Variants in DCAF6 observed in about 807,000 individuals in gnomAD.
The protein encoded by DCAF6 is DDB1 and CUL4 associated factor 6.
Under a neutral mutation model 125.1 loss-of-function variants are expected in DCAF6, and 54 were observed. The observed-to-expected ratio is 0.43, with a 90% CI of 0.35 to 0.54. The LOEUF (loss-of-function observed/expected upper bound fraction) is 0.54, where lower values mean the gene tolerates loss of function less well. Ranked by LOEUF, DCAF6 falls within the 20% of genes least tolerant of loss-of-function variation. DCAF6 has a pLI of 0.01. For missense variants in DCAF6, 934 were observed against 1,161.7 expected, an observed-to-expected ratio of 0.80 and a Z score of 2.85; for synonymous variants, 371 against 390.4, an observed-to-expected ratio of 0.95 and a Z score of 0.58.
At chr1:168,061,656 G>GA (rs34416997) in intron 17 of DCAF6, among the ~76,000 whole-genome samples, 1 of 152,026 alleles carries the variant, frequency 6.6e-6, no homozygotes, top group East Asian at 1.9e-4. Flanking sequence ...GTTGTGCAGT[G>GA]AAAAAAAGTT....
chr1:167,924,353 T>G, the DCAF6 span: 5 of 595,650 alleles, frequency 8.4e-6, no homozygotes, highest in Middle Eastern at 4.8e-4. Context: ...GAAAACGATA[T>G]GTCTGAGAAT....
chr1:167,958,335 GTTTTTT>G (rs1044641437), intron 2 of DCAF6, among the ~76,000 whole-genome samples: 1 of 133,626 alleles, frequency 7.5e-6, no homozygotes, highest in Non-Finnish European at 1.6e-5. Context: ...GGTCCAAGGT[GTTTTTT>G]TTTGTTTTTT....
intron 21 of DCAF6, among the ~76,000 whole-genome samples, chr1:168,072,313 AAAAAAAAAAAAAG>A (rs1277433343): frequency 6.3e-4 from 94 of 149,134 alleles, no homozygotes; most frequent in Middle Eastern, 3.4e-3. Flanking sequence ...AAAAAAAAAA[AAAAAAAAAAAAAG>A]AAAAGAAAAG....
rs756939357 is a variant in DCAF6, at chr1:168,075,354, C to A, written c.2792-17C>A. The A allele has an allele frequency of 1.3e-6, 2 of 1,585,940 alleles. No homozygotes were observed. The highest frequency in any genetic ancestry group is 4.5e-5 in the East Asian group (2 of 44,184). ...TAAAAGTATTTCTCTTTGCGATTCTCTTATCTGTGTTTCCAGACCGGTTGG... is the reference window on the plus strand; with the variant it reads ...TAAAAGTATTTCTCTTTGCGATTCTATTATCTGTGTTTCCAGACCGGTTGG... On this transcript the variant is annotated splice_polypyrimidine_tract_variant and intron_variant, in intron 21 of 21. Transcript: ENST00000367840.
intron 1 of DCAF6, 32 bp from the exon 2 acceptor site, chr1:167,951,767 GA>G (rs1342452580): frequency 5.1e-6 from 7 of 1,370,874 alleles, no homozygotes; most frequent in Non-Finnish European, 7.3e-6. Flanking sequence ...GTATTTGTGT[GA>G]TTTATTTAAT....
At chr1:168,041,273 C>A (rs1363300081) in intron 13 of DCAF6, among the ~76,000 whole-genome samples, 1 of 151,902 alleles carries the variant, frequency 6.6e-6, no homozygotes, top group Non-Finnish European at 1.5e-5. Flanking sequence ...TGGTGTTTAT[C>A]TTTTTCTTAT....
chr1:168,022,255 A>AC (rs1344477835), intron 11 of DCAF6, among the ~76,000 whole-genome samples: 1 of 152,246 alleles, frequency 6.6e-6, no homozygotes, highest in East Asian at 1.9e-4. Context: ...AAATTCTTAC[A>AC]TAGAAACCCA....
At chr1:168,038,856 A>G (rs1039356657) in intron 13 of DCAF6, among the ~76,000 whole-genome samples, 1 of 152,070 alleles carries the variant, frequency 6.6e-6, no homozygotes, top group Non-Finnish European at 1.5e-5. Context: ...GGTCCTAGGT[A>G]GGTGTATATG....
chr1:167,989,339 C>G (rs1009986037), intron 5 of DCAF6, among the ~76,000 whole-genome samples: 5 of 152,124 alleles, frequency 3.3e-5, no homozygotes, highest in African/African-American at 9.6e-5. Context: ...TTTTTCTAAA[C>G]AAAACCCCCA....
chr1:167,882,305 C>T, the DCAF6 span, among the ~76,000 whole-genome samples: 9 of 151,814 alleles, frequency 5.9e-5, no homozygotes, highest in East Asian at 1.4e-3. Context: ...GCCAACATGG[C>T]GAAACCTCAT....
Position 167,936,867 on chromosome 1 carries a change from TCCCCC to T in DCAF6, c.-44_-40del, listed in dbSNP as rs1557862276. The stretch of plus-strand genomic sequence containing the variant: ...CGGGTGTCCCCTCCCCCTCCTCCCC[TCCCCC>T]ACGCGGTGGTCTCCCCTCCCACCCG... On this transcript the variant is annotated 5_prime_UTR_variant, in exon 1 of 22. Coordinates refer to ENST00000367840, the MANE Select transcript of DCAF6 (RefSeq NM_001198956.2). 3.1e-6 allele frequency: 2 copies of T among 642,392 alleles called. No individual in the cohort carries two copies. Among genetic ancestry groups the T allele is most frequent in the Admixed American group, 4.7e-5 (2 of 42,474 alleles). The allele number at this position is 642,392 out of a possible 1,614,324, so 39.8% of individuals were successfully genotyped here. A position where few individuals can be genotyped will look rare whatever the true frequency, so the allele number is the denominator to read the frequency against.
intron 10 of DCAF6, among the ~76,000 whole-genome samples, chr1:168,014,610 C>G (rs935640784): frequency 6.6e-6 from 1 of 152,180 alleles, no homozygotes; most frequent in Non-Finnish European, 1.5e-5. Context: ...CTTGTTTCTC[C>G]ATTGTTCCCT....
chr1:167,885,581 T>C, the DCAF6 span, among the ~76,000 whole-genome samples: 1 of 152,240 alleles, frequency 6.6e-6, no homozygotes, highest in Non-Finnish European at 1.5e-5. Context: ...CACATACTTG[T>C]TTGCCATTTG....
chr1:167,932,123 T>C (rs1670928771), upstream of DCAF6, among the ~76,000 whole-genome samples: 2 of 152,326 alleles, frequency 1.3e-5, no homozygotes, highest in South Asian at 4.1e-4. Context: ...TAAAATGATA[T>C]GGTTCAGATA....
intron 2 of DCAF6, among the ~76,000 whole-genome samples, chr1:167,962,256 C>T (rs1162346700): frequency 6.6e-6 from 1 of 151,864 alleles, no homozygotes; most frequent in Non-Finnish European, 1.5e-5. Flanking sequence ...GATTTTCTGC[C>T]TGCTAGGTCT....
intron 18 of DCAF6, 151 bp from the exon 19 acceptor site, chr1:168,065,439 C>T (rs114751730): frequency 1.3e-4 from 89 of 670,056 alleles, no homozygotes; most frequent in African/African-American, 1.0e-3. Flanking sequence ...TGAGCCACTG[C>T]GCCCAGCATC....
the DCAF6 span, among the ~76,000 whole-genome samples, chr1:167,887,176 C>T: frequency 6.6e-6 from 1 of 152,112 alleles, no homozygotes; most frequent in Non-Finnish European, 1.5e-5. Flanking sequence ...TATCATTTGA[C>T]CCAGCCATCC....
chr1:167,884,584 CT>C, the DCAF6 span, among the ~76,000 whole-genome samples: 2 of 152,144 alleles, frequency 1.3e-5, no homozygotes, highest in Admixed American at 1.3e-4. Context: ...CATTCTTTCT[CT>C]TTTTTTGTAC....
At chr1:167,918,739 G>A in the DCAF6 span, among the ~76,000 whole-genome samples, 2 of 151,652 alleles carry the variant, frequency 1.3e-5, no homozygotes, top group African/African-American at 4.8e-5. Flanking sequence ...GACTACAGGC[G>A]CCCGCCACCA....
Sources: allele counts gnomAD v4.1 joint callset (sites outside exome capture counted in the v4.1 genomes callset), GRCh38; gene constraint gnomAD v4.1.1; transcripts MANE v1.5; gene names NCBI Gene and HGNC (gene_info 2026-07-23, HGNC 2026-07-21).